Variants in TOP3B observed in about 807,000 individuals in gnomAD.
TOP3B encodes the protein DNA topoisomerase III beta, also known as DNA topoisomerase 3-beta-1.
TOP3B carries 45 observed loss-of-function variants against 93.9 expected under a neutral mutation model. The observed-to-expected ratio is 0.48, with a 90% CI of 0.38 to 0.61. The LOEUF (loss-of-function observed/expected upper bound fraction) is 0.61, where lower values mean the gene tolerates loss of function less well. Among genes scored for constraint, TOP3B ranks in the 20% least tolerant of loss-of-function variants. The pLI, the probability that TOP3B is intolerant of heterozygous loss-of-function variation, is 0.00. For missense variants in TOP3B, 750 were observed against 1,156.1 expected (o/e 0.65, Z 5.09); for synonymous variants, 357 against 472.6 (o/e 0.76, Z 3.17).
chr22:21,978,653 C>A (rs11703249), intron 1 of TOP3B, among the ~76,000 whole-genome samples: 2 of 152,022 alleles, frequency 1.3e-5, no homozygotes, highest in Non-Finnish European at 2.9e-5. Flanking sequence ...CACTTCAGGG[C>A]AGTTATCACC....
At position 21,970,891 on chromosome 22, in the gene TOP3B, G is replaced by T; in HGVS notation, c.385-485C>A. 2 of 667,956 alleles carry T rather than the reference G, an allele frequency of 3.0e-6. No individual in the cohort carries two copies. The highest frequency in any genetic ancestry group is 2.0e-6 in the Non-Finnish European group (1 of 497,354). The allele number at this position is 667,956 out of a possible 1,614,324, so 41.4% of individuals were successfully genotyped here. A position where few individuals can be genotyped will look rare whatever the true frequency, so the allele number is the denominator to read the frequency against. On this transcript the variant is annotated intron_variant, in intron 5 of 17. Coordinates refer to ENST00000357179, the MANE Select transcript of TOP3B (RefSeq NM_001282112.2). This position sits in a 1 kb window ranked among gnomAD's most constrained non-coding sequence, Gnocchi z 4.4. ...AAAGAATGAAGGGGAAAGGAAATGG[G>T]CAAGAGCAGGAAGGCCACGGGTGGT...
intron 8 of TOP3B, chr22:21,966,013 T>C (rs1288487393): frequency 2.0e-5 from 3 of 152,338 alleles, no homozygotes; most frequent in African/African-American, 7.2e-5. Context: ...TGCCTCAGCC[T>C]CCTGTGTAGC....
intron 3 of TOP3B, chr22:21,973,340 G>C (rs529355214): frequency 6.5e-6 from 1 of 154,098 alleles, no homozygotes; most frequent in Non-Finnish European, 1.4e-5. Flanking sequence ...ACAGTGATAC[G>C]ATCACGGCTA....
rs1192594696 is a variant in TOP3B at position 21,970,298 on chromosome 22, C to T, written c.493G>A (p.Ala165Thr). Residue 165 changes from alanine to threonine, a missense_variant, in exon 6 of 18, where the codon GCC becomes ACC. Transcript: ENST00000357179. The surrounding 1 kb of genome is among the most constrained non-coding windows in gnomAD (Gnocchi z 4.4). ...ITDTDICNAM[A>T]CLGEPDHNEA... ...TTGTGGTCAGGCTCGCCTAGGCAGG[C>T]CATGGCATTACAGATGTCTGTGTCC... 4 of 1,614,100 alleles carry T rather than the reference C, an allele frequency of 2.5e-6. No homozygotes were observed. Among genetic ancestry groups the T allele is most frequent in the Admixed American group, 3.3e-5 (2 of 60,016 alleles).
chr22:21,964,211 G>A lies in TOP3B; in HGVS notation c.1048C>T (p.Leu350=). 6.2e-7 allele frequency: 1 copy of A among 1,614,210 alleles called. No homozygotes were observed. Among genetic ancestry groups the A allele is most frequent in the Non-Finnish European group, 8.5e-7 (1 of 1,180,044 alleles). Residue 350 remains leucine, a synonymous_variant, in exon 10 of 18, where the codon CTG becomes TTG. Coordinates refer to ENST00000357179, the MANE Select transcript of TOP3B (RefSeq NM_001282112.2). ...ETTHYPENFD[L]KGSLRQQANH... ...GCCTGCTGCCGCAGAGAGCCCTTCA[G>A]GTCAAAGTTCTCAGGGTAGTGGGTG...
intron 1 of TOP3B, among the ~76,000 whole-genome samples, chr22:21,978,100 T>C (rs763187079): frequency 2.0e-5 from 3 of 152,054 alleles, no homozygotes; most frequent in Non-Finnish European, 4.4e-5. Flanking sequence ...AGGGTTTGCA[T>C]AGGTGTGGGA....
chr22:21,964,268 GC>G lies in TOP3B; in HGVS notation c.990del (p.Gln331LysfsTer20). On this transcript the variant is annotated frameshift_variant, in exon 10 of 18. Transcript: ENST00000357179. LOFTEE classifies it high-confidence loss of function. ...GTCCGTGGGTAGCTGATGTAGCCTT[GC>G]GTGTAGAGCCGCTCAGCCGTCTGCA... ...HAMQTAERLY[T>X]QGYISYPRTE... 1 of 1,614,130 alleles carries G rather than the reference GC, an allele frequency of 6.2e-7. No individual in the cohort carries two copies. Among genetic ancestry groups the G allele is most frequent in the Non-Finnish European group, 8.5e-7 (1 of 1,180,012 alleles).
In TOP3B at chr22:21,959,172, G is replaced by A. The variant is rs1246614721; in HGVS notation, c.1865C>T (p.Ser622Leu). The A allele has an allele frequency of 6.2e-7, 1 of 1,613,856 alleles. No individual in the cohort carries two copies. ...SPLAATGKPL[S>L]RCGKCHRFMK... is the part of the protein sequence containing the mutation. The stretch of plus-strand genomic sequence containing the variant: ...GAAGCGGTGGCACTTCCCACAGCGT[G>A]AGAGGGGCTTGCCTGTGGCCGCCAG... The change falls in exon 16 of 18, where the codon TCA becomes TTA. Residue 622 changes from serine (S) to leucine (L), a missense_variant. Ser to Leu is a moderately radical substitution (Grantham distance 145). Around this residue, in one of 4 missense-constraint regions of TOP3B, gnomAD observed 737 missense variants for 933.7 expected, o/e 0.79. Transcript: ENST00000357179.
intron 13 of TOP3B, chr22:21,960,813 C>G (rs1335976990): frequency 3.8e-6 from 1 of 260,010 alleles, no homozygotes; most frequent in African/African-American, 2.2e-5. Flanking sequence ...CCACCTGCTC[C>G]CGGAGCCAGA....
chr22:21,959,064 G>T, intron 16 of TOP3B, 68 bp downstream of exon 16: 1 of 1,575,044 alleles, frequency 6.3e-7, no homozygotes, highest in Non-Finnish European at 8.7e-7. Flanking sequence ...GATTCCTGCT[G>T]ATCAACGATA....
chr22:21,975,893 A>G (rs1253073033), intron 1 of TOP3B, 86 bp from the exon 2 acceptor site: 1 of 922,590 alleles, frequency 1.1e-6, no homozygotes, highest in African/African-American at 1.7e-5. Flanking sequence ...ACAAAGAAAA[A>G]ACAAGACCAA....
At chr22:21,974,615 A>G (rs77937756) in intron 2 of TOP3B, 127 bp from the exon 3 acceptor site, 14,307 of 1,094,422 alleles carry the variant, frequency 0.013, 127 homozygotes, top group Non-Finnish European at 0.015. Flanking sequence ...GAGTGACGAC[A>G]TTCCGCAGAC....
intron 16 of TOP3B, 132 bp downstream of exon 16, chr22:21,959,000 G>T: frequency 7.3e-7 from 1 of 1,360,614 alleles, no homozygotes; most frequent in Non-Finnish European, 9.8e-7. Flanking sequence ...GTATTTTTTG[G>T]CAAGGCCTCT....
rs1174560195 is a variant in TOP3B at position 21,971,285 on chromosome 22, G to C, written c.384+592C>G. ...GCTGGGGGTACAGGAGCACGGGGGC[G>C]ACCCATAGAACAACAGTCTGAAGGG... On this transcript the variant is annotated intron_variant, in intron 5 of 17. Coordinates refer to ENST00000357179, the MANE Select transcript of TOP3B (RefSeq NM_001282112.2). This position sits in a 1 kb window ranked among gnomAD's most constrained non-coding sequence, Gnocchi z 4.6. The C allele has an allele frequency of 4.0e-6, 1 of 249,186 alleles. No individual in the cohort carries two copies. Among genetic ancestry groups the C allele is most frequent in the Admixed American group, 5.7e-5 (1 of 17,410 alleles). The allele number at this position is 249,186 out of a possible 1,614,324, so 15.4% of individuals were successfully genotyped here.
rs551943433 is a variant in TOP3B at position 21,960,214 on chromosome 22, G to A, written c.1654+107C>T. 3.0e-5 allele frequency: 46 copies of A among 1,522,788 alleles called. No homozygotes were observed. The African/African-American group carries it at 4.9e-4, about 16-fold the overall frequency. The allele number at this position is 1,522,788 out of a possible 1,614,324, so 94.3% of individuals were successfully genotyped here. On this transcript the variant is annotated intron_variant, in intron 14 of 17. Transcript: ENST00000357179. ...GTTGAGGGAGTGTGTGTGGGGCTGG[G>A]GGATCACTGTAGGGCAGGGGCCTGT...
At position 21,960,391 on chromosome 22, in the gene TOP3B, C is replaced by T. The variant is rs756113805; in HGVS notation, c.1584G>A (p.Thr528=). 1.3e-5 allele frequency: 21 copies of T among 1,613,620 alleles called. 1 individual carries two copies. The highest frequency in any genetic ancestry group is 2.2e-5 in the East Asian group (1 of 44,896). The change falls in exon 14 of 18, where the codon ACG becomes ACA. Residue 528 remains threonine, a synonymous_variant. Coordinates refer to ENST00000357179, the MANE Select transcript of TOP3B (RefSeq NM_001282112.2). ...GCTTGAGCCGGCGCCCGCTCTCCAC[C>T]GTGACATAGTTGCGCTGGCAGATGT... The part of the protein sequence containing the change: ...INNICQRNYV[T]VESGRRLKPT...
intron 13 of TOP3B, chr22:21,961,702 C>T (rs1044794682): frequency 6.4e-6 from 1 of 155,962 alleles, no homozygotes; most frequent in Non-Finnish European, 1.4e-5. Flanking sequence ...GGAGCAGAGC[C>T]TGGACACAGT....
rs533244581 is a variant in TOP3B at position 21,958,137 on chromosome 22, G to A, written c.2107+355C>T. The A allele has an allele frequency of 9.6e-6, 12 of 1,256,136 alleles. No homozygotes were observed. In the African/African-American group the frequency reaches 1.4e-4, roughly 14 times the overall value. The allele number at this position is 1,256,136 out of a possible 1,614,324, so 77.8% of individuals were successfully genotyped here. On this transcript the variant is annotated intron_variant, in intron 17 of 17. Coordinates refer to ENST00000357179, the MANE Select transcript of TOP3B (RefSeq NM_001282112.2). Reference sequence around the variant, plus strand: ...CTCCTCCAGTAATGAGGACGAGGATGAGGATGGAGGACGGTGGTGGACGCT... The same window carrying A: ...CTCCTCCAGTAATGAGGACGAGGATAAGGATGGAGGACGGTGGTGGACGCT...
At chr22:21,976,904 ATAAAGT>A in intron 1 of TOP3B, 1 of 152,378 alleles carries the variant, frequency 6.6e-6, no homozygotes, top group East Asian at 1.9e-4. Flanking sequence ...GTGAAAAAAA[ATAAAGT>A]TAGACTCCTG....
Sources: gnomAD v4.1 joint callset for allele counts (sites outside exome capture counted in the v4.1 genomes callset) on GRCh38, gnomAD v4.1.1 for gene constraint, gnomAD v4.1.1 regional missense constraint, Gnocchi (gnomAD v3.1) non-coding constraint, MANE v1.5 for transcripts, NCBI Gene and HGNC (gene_info 2026-07-23, HGNC 2026-07-21) for gene names.